The following ROBO1 variants were observed in gnomAD, a reference collection of about 807,000 sequenced individuals.
ROBO1 encodes the protein roundabout homolog 1.
A neutral mutation model predicts 195.9 loss-of-function variants in ROBO1; 149 were observed. The observed-to-expected ratio is 0.76, with a 90% CI of 0.67 to 0.87. ROBO1 has a LOEUF of 0.87. ROBO1 is among the 40% of genes least tolerant of loss of function. The pLI is 0.00. For synonymous variants in ROBO1, 816 were observed against 733.2 expected, an observed-to-expected ratio of 1.11 and a Z score of -1.82; for missense variants, 1,933 against 2,068.3, an observed-to-expected ratio of 0.93 and a Z score of 1.27.
chr3:79,200,051 T>C (rs2081733160), intron 2 of ROBO1, among the ~76,000 whole-genome samples: 1 of 151,664 alleles, frequency 6.6e-6, no homozygotes. Context: ...AAGCTGTAAC[T>C]GTAGGAAGAC....
At chr3:79,388,294 T>G (rs150592593) in intron 2 of ROBO1, among the ~76,000 whole-genome samples, 1 of 152,256 alleles carries the variant, frequency 6.6e-6, no homozygotes, top group Non-Finnish European at 1.5e-5. Flanking sequence ...ATAGAAAATT[T>G]GTTTTTTCAT....
At chr3:78,609,627 C>T (rs1429073664) in intron 28 of ROBO1, among the ~76,000 whole-genome samples, 1 of 152,152 alleles carries the variant, frequency 6.6e-6, no homozygotes, top group Admixed American at 6.5e-5. Context: ...ATGTTATATT[C>T]TATGACTACA....
intron 3 of ROBO1, among the ~76,000 whole-genome samples, chr3:79,101,292 A>C (rs897359907): frequency 2.6e-5 from 4 of 151,826 alleles, no homozygotes; most frequent in Non-Finnish European, 4.4e-5. Flanking sequence ...GCCACAAATG[A>C]GCTTTGCCAA....
chr3:78,624,967 T>A (rs7616854), intron 26 of ROBO1, among the ~76,000 whole-genome samples: 5,611 of 151,688 alleles, frequency 0.037, 111 homozygotes, highest in Middle Eastern at 0.051. Flanking sequence ...TAGAAAAGAG[T>A]GTATGTGATG....
At chr3:79,073,000 G>A (rs1227222358) in intron 3 of ROBO1, among the ~76,000 whole-genome samples, 1 of 151,908 alleles carries the variant, frequency 6.6e-6, no homozygotes, top group Admixed American at 6.6e-5. Flanking sequence ...AAAACTGAAT[G>A]TCTGACAACT....
chr3:78,849,745 A>G (rs1349254496), intron 4 of ROBO1, among the ~76,000 whole-genome samples: 1 of 151,534 alleles, frequency 6.6e-6, no homozygotes, highest in African/African-American at 2.4e-5. Flanking sequence ...TTACTGTTTA[A>G]TTCATGATTT....
intron 14 of ROBO1, among the ~76,000 whole-genome samples, chr3:78,662,464 T>G (rs1199199822): frequency 1.3e-5 from 2 of 152,036 alleles, no homozygotes; most frequent in Non-Finnish European, 2.9e-5. Context: ...ATTCCCTGAG[T>G]TTGTGAAAAC....
At chr3:79,218,365 TC>T (rs1324555802) in intron 2 of ROBO1, among the ~76,000 whole-genome samples, 1 of 151,898 alleles carries the variant, frequency 6.6e-6, no homozygotes, top group African/African-American at 2.4e-5. Flanking sequence ...CCCCATCACT[TC>T]CTATTTTCTT....
chr3:79,445,024 A>G (rs1043032519), intron 2 of ROBO1, among the ~76,000 whole-genome samples: 19 of 152,078 alleles, frequency 1.2e-4, no homozygotes, highest in Middle Eastern at 6.8e-3. Context: ...CAGAAGTTGG[A>G]TCCTAAATCA....
intron 1 of ROBO1, among the ~76,000 whole-genome samples, chr3:79,630,532 C>G (rs1945307281): frequency 6.6e-6 from 1 of 151,962 alleles, no homozygotes; most frequent in African/African-American, 2.4e-5. Flanking sequence ...TAGCCAACAT[C>G]ATTGTGAATG....
chr3:79,152,328 G>T (rs1174732555), intron 2 of ROBO1, among the ~76,000 whole-genome samples: 1 of 151,604 alleles, frequency 6.6e-6, no homozygotes, highest in African/African-American at 2.4e-5. Flanking sequence ...CTCCATATCA[G>T]GAAATTGAGT....
At chr3:79,038,387 A>C (rs1307559638) in intron 3 of ROBO1, among the ~76,000 whole-genome samples, 3 of 152,148 alleles carry the variant, frequency 2.0e-5, no homozygotes, top group African/African-American at 7.2e-5. Flanking sequence ...ATTTGGTCTA[A>C]ATTTCAAATT....
chr3:79,584,146 G>C (rs1343947781), intron 2 of ROBO1, among the ~76,000 whole-genome samples: 1 of 151,466 alleles, frequency 6.6e-6, no homozygotes, highest in Non-Finnish European at 1.5e-5. Context: ...TGAAAGAATG[G>C]ATAGATAGAG....
intron 2 of ROBO1, among the ~76,000 whole-genome samples, chr3:79,201,905 A>G (rs1480347506): frequency 6.7e-6 from 1 of 149,398 alleles, no homozygotes; most frequent in Non-Finnish European, 1.5e-5. Context: ...ATAATATATA[A>G]TTATTATTTA....
chr3:79,123,233 T>A (rs2080153386), intron 3 of ROBO1, among the ~76,000 whole-genome samples: 1 of 151,992 alleles, frequency 6.6e-6, no homozygotes, highest in Non-Finnish European at 1.5e-5. Context: ...ATAGGCCATC[T>A]CACTTTCCTC....
At chr3:78,969,882 A>C (rs1432099938) in intron 3 of ROBO1, among the ~76,000 whole-genome samples, 1 of 152,190 alleles carries the variant, frequency 6.6e-6, no homozygotes, top group Non-Finnish European at 1.5e-5. Flanking sequence ...TTTATTATTA[A>C]ATGTTGCTAA....
At chr3:78,632,017 C>T (rs142565454) in intron 24 of ROBO1, among the ~76,000 whole-genome samples, 105 of 152,210 alleles carry the variant, frequency 6.9e-4, no homozygotes, top group African/African-American at 2.4e-3. Context: ...TTTTTAAACA[C>T]AAGAGGCTAT....
chr3:79,121,250 ATGGTGTTTT>A (rs2080110978), intron 3 of ROBO1, among the ~76,000 whole-genome samples: 1 of 152,052 alleles, frequency 6.6e-6, no homozygotes, highest in Non-Finnish European at 1.5e-5. Context: ...ACATACCAAA[ATGGTGTTTT>A]TGCTTAGTTT....
chr3:79,356,839 A>G (rs77176043), intron 2 of ROBO1, among the ~76,000 whole-genome samples: 3,220 of 152,266 alleles, frequency 0.021, 99 homozygotes, highest in African/African-American at 0.069. Flanking sequence ...CAGATCAACT[A>G]GGAAACTAGA....
Sources: gnomAD v4.1 joint callset for allele counts (sites outside exome capture counted in the v4.1 genomes callset) on GRCh38, gnomAD v4.1.1 for gene constraint, MANE v1.5 for transcripts, NCBI Gene and HGNC (gene_info 2026-07-23, HGNC 2026-07-21) for gene names.